CSMD3: variants seen among roughly 807,000 people sequenced by gnomAD.
The protein encoded by CSMD3 is CUB and sushi domain-containing protein 3.
In CSMD3, 177 loss-of-function variants were observed where a neutral mutation model predicts 435.2. The observed-to-expected ratio is 0.41, with a 90% CI of 0.36 to 0.46. The LOEUF is 0.46. Among genes scored for constraint, CSMD3 ranks in the 20% least tolerant of loss-of-function variants. The pLI is 0.34. For synonymous variants in CSMD3, 1,656 were observed against 1,520.5 expected, an observed-to-expected ratio of 1.09 and a Z score of -2.07; for missense variants, 4,265 against 4,504.6, an observed-to-expected ratio of 0.95 and a Z score of 1.52.
chr8:113,008,809 G>A (rs2131112748), intron 6 of CSMD3, among the ~76,000 whole-genome samples: 1 of 151,106 alleles, frequency 6.6e-6, no homozygotes, highest in East Asian at 1.9e-4. Flanking sequence ...TGATACTGAA[G>A]TAAATCATAA....
chr8:112,463,728 A>C (rs143937584), intron 32 of CSMD3, among the ~76,000 whole-genome samples: 1 of 152,284 alleles, frequency 6.6e-6, no homozygotes, highest in East Asian at 1.9e-4. Context: ...ACTGTGACTA[A>C]TGTTAAGTTC....
At chr8:112,248,196 A>G (rs1396834865) in intron 63 of CSMD3, among the ~76,000 whole-genome samples, 1 of 152,110 alleles carries the variant, frequency 6.6e-6, no homozygotes, top group Non-Finnish European at 1.5e-5. Context: ...AATCTGTTTT[A>G]AGGATTAAAT....
At chr8:112,389,282 C>A (rs1830213594) in intron 36 of CSMD3, among the ~76,000 whole-genome samples, 1 of 152,068 alleles carries the variant, frequency 6.6e-6, no homozygotes. Flanking sequence ...TCTTGAATAA[C>A]CTTGAGAAGA....
chr8:112,436,258 T>C (rs1321365842), intron 32 of CSMD3, among the ~76,000 whole-genome samples: 1 of 151,888 alleles, frequency 6.6e-6, no homozygotes, highest in Non-Finnish European at 1.5e-5. Flanking sequence ...GCAACTAATT[T>C]CCATATAAAT....
intron 12 of CSMD3, among the ~76,000 whole-genome samples, chr8:112,828,803 CAG>C (rs1329315071): frequency 6.6e-6 from 1 of 151,996 alleles, no homozygotes; most frequent in Non-Finnish European, 1.5e-5. Flanking sequence ...ACGTTGCAGA[CAG>C]GGGAAAGAGG....
At chr8:112,486,797 T>C (rs1415554908) in intron 31 of CSMD3, among the ~76,000 whole-genome samples, 1 of 152,176 alleles carries the variant, frequency 6.6e-6, no homozygotes, top group Non-Finnish European at 1.5e-5. Context: ...TTTTTATTTC[T>C]AGCAATGGAC....
At chr8:112,350,972 A>T (rs1826086744) in intron 40 of CSMD3, among the ~76,000 whole-genome samples, 1 of 152,046 alleles carries the variant, frequency 6.6e-6, no homozygotes, top group Admixed American at 6.5e-5. Context: ...AAAAATAAAA[A>T]TTTTAAATTA....
chr8:112,244,799 T>C (rs1814546595), intron 64 of CSMD3, among the ~76,000 whole-genome samples: 1 of 151,946 alleles, frequency 6.6e-6, no homozygotes, highest in South Asian at 2.1e-4. Flanking sequence ...TAGATGTTAA[T>C]AGATGTTAAA....
chr8:113,049,265 G>T (rs1013522273), intron 5 of CSMD3, among the ~76,000 whole-genome samples: 3 of 152,050 alleles, frequency 2.0e-5, no homozygotes, highest in Non-Finnish European at 4.4e-5. Flanking sequence ...GAAGTCATAT[G>T]CCTTCCAGCT....
At chr8:113,299,387 T>C (rs1041095019) in intron 2 of CSMD3, among the ~76,000 whole-genome samples, 9 of 152,176 alleles carry the variant, frequency 5.9e-5, no homozygotes, top group African/African-American at 1.9e-4. Flanking sequence ...GCATAAAATA[T>C]GTTGCCCTGC....
At chr8:112,556,655 G>A (rs889229846) in intron 25 of CSMD3, 108 bp downstream of exon 25, 24 of 799,322 alleles carry the variant, frequency 3.0e-5, no homozygotes, top group South Asian at 6.4e-5. Flanking sequence ...TTAATTTCTC[G>A]ATATAAAGTG....
chr8:112,326,615 A>G (rs1348685226), intron 45 of CSMD3, among the ~76,000 whole-genome samples: 1 of 152,204 alleles, frequency 6.6e-6, no homozygotes, highest in Non-Finnish European at 1.5e-5. Flanking sequence ...CCCCATACTC[A>G]TGTAACTTCA....
Position 113,031,407 on chromosome 8 carries a change from G to A in CSMD3, c.918-12228C>T, listed in dbSNP as rs561207474. On this transcript the variant is annotated intron_variant, in intron 5 of 70. Coordinates refer to ENST00000297405, the MANE Select transcript of CSMD3 (RefSeq NM_198123.2). ...GAACATTAAGAGCAAAGGAAAAAGC[G>A]AATCTCAAAAGTTACAGATTATGTA... 4.0e-4 allele frequency among the ~76,000 whole-genome samples: 60 copies of A among 151,652 alleles called. 2 individuals are homozygous for A. The highest frequency in any genetic ancestry group is 6.5e-4 in the African/African-American group (27 of 41,490).
intron 13 of CSMD3, among the ~76,000 whole-genome samples, chr8:112,739,014 C>A (rs1047254680): frequency 2.0e-5 from 3 of 151,344 alleles, no homozygotes; most frequent in Admixed American, 6.6e-5. Flanking sequence ...GGAAATAGTT[C>A]TATACTGCAA....
intron 35 of CSMD3, among the ~76,000 whole-genome samples, chr8:112,403,535 C>A (rs1831512093): frequency 6.6e-6 from 1 of 151,986 alleles, no homozygotes; most frequent in South Asian, 2.1e-4. Flanking sequence ...GATCAAGGTG[C>A]CAGCAGATGT....
chr8:112,886,531 G>C (rs191709095), intron 10 of CSMD3, among the ~76,000 whole-genome samples: 1,950 of 151,240 alleles, frequency 0.013, 51 homozygotes, highest in African/African-American at 0.044. Context: ...AATTAGCTGT[G>C]CTATCCCTAC....
intron 5 of CSMD3, among the ~76,000 whole-genome samples, chr8:113,066,842 T>G (rs1383300): frequency 6.6e-6 from 1 of 151,854 alleles, no homozygotes; most frequent in African/African-American, 2.4e-5. Flanking sequence ...AAAATTCTCA[T>G]ATAGGATGGG....
At chr8:113,343,197 AT>A (rs1295569360) in intron 1 of CSMD3, among the ~76,000 whole-genome samples, 3 of 151,880 alleles carry the variant, frequency 2.0e-5, no homozygotes, top group African/African-American at 7.2e-5. Flanking sequence ...TTTTAAAGCT[AT>A]TTAAGAGTTT....
chr8:112,976,269 C>T, intron 6 of CSMD3, 121 bp from the exon 7 acceptor site: 1 of 1,136,300 alleles, frequency 8.8e-7, no homozygotes, highest in Middle Eastern at 2.9e-4. Context: ...CATGAAGAGG[C>T]AAAACACAAA....
Sources: allele counts gnomAD v4.1 joint callset (sites outside exome capture counted in the v4.1 genomes callset), GRCh38; gene constraint gnomAD v4.1.1; transcripts MANE v1.5; gene names NCBI Gene and HGNC (gene_info 2026-07-23, HGNC 2026-07-21).